Variants in TMEM87A observed in about 807,000 individuals in gnomAD.
TMEM87A encodes transmembrane protein 87A.
A neutral mutation model predicts 90.0 loss-of-function variants in TMEM87A; 50 were observed. The observed-to-expected ratio is 0.56, with a 90% CI of 0.44 to 0.70. TMEM87A has a LOEUF of 0.70. Ranked by LOEUF, TMEM87A falls within the 30% of genes least tolerant of loss-of-function variation. TMEM87A has a pLI of 0.00. For synonymous variants in TMEM87A, 226 were observed against 226.7 expected (o/e 1.00, Z 0.03); for missense variants, 577 against 660.5 (o/e 0.87, Z 1.39).
chr15:42,273,151 C>T, intron 1 of TMEM87A, 104 bp downstream of exon 1: 1 of 1,434,604 alleles, frequency 7.0e-7, no homozygotes, highest in Non-Finnish European at 9.6e-7. Context: ...AGCAACCCCA[C>T]CCCTTTTGAA....
intron 3 of TMEM87A, 79 bp downstream of exon 3, chr15:42,267,868 C>G: frequency 8.4e-7 from 1 of 1,190,304 alleles, no homozygotes; most frequent in South Asian, 1.4e-5. Context: ...ACATGATACT[C>G]TTTCCTCTAT....
At chr15:42,238,301 C>A (rs1027509336) in intron 8 of TMEM87A, among the ~76,000 whole-genome samples, 4 of 151,924 alleles carry the variant, frequency 2.6e-5, no homozygotes, top group African/African-American at 9.7e-5. Context: ...GGCATGGTGG[C>A]TCATGCCTGT....
At position 42,253,256 on chromosome 15, in the gene TMEM87A, T is replaced by C. The variant is rs539358978; in HGVS notation, c.504+7702A>G. On this transcript the variant is annotated intron_variant, in intron 6 of 19. Transcript: ENST00000389834. ...TAGGGTCATCTAAGGTCTTTTCTGATCGTATGTCCAGTCTTGAGAATATAT... is the reference window on the plus strand; with the variant it reads ...TAGGGTCATCTAAGGTCTTTTCTGACCGTATGTCCAGTCTTGAGAATATAT... Among the ~76,000 whole-genome samples, 71 of 152,316 alleles carry C rather than the reference T, an allele frequency of 4.7e-4. 2 individuals carry two copies. The South Asian group carries it at 7.7e-3, about 16-fold the overall frequency.
rs113670424 is a variant in TMEM87A at position 42,255,094 on chromosome 15, C to T, written c.504+5864G>A. 8.1e-3 allele frequency among the ~76,000 whole-genome samples: 1,231 copies of T among 151,550 alleles called. 9 individuals carry two copies. Among genetic ancestry groups the T allele is most frequent in the Middle Eastern group, 0.037 (11 of 294 alleles). ...ATCCTCACTTCAGCCTCCCCTGTAG[C>T]GGTGACTATAGGCATGCACAACCAT... On this transcript the variant is annotated intron_variant, in intron 6 of 19. Transcript: ENST00000389834.
At chr15:42,257,382 A>T (rs990344125) in intron 6 of TMEM87A, among the ~76,000 whole-genome samples, 1 of 151,948 alleles carries the variant, frequency 6.6e-6, no homozygotes, top group African/African-American at 2.4e-5. Context: ...GGTGATCTGC[A>T]CACACAGGCT....
intron 6 of TMEM87A, among the ~76,000 whole-genome samples, chr15:42,255,509 C>T (rs1161673768): frequency 1.3e-5 from 2 of 152,076 alleles, no homozygotes; most frequent in East Asian, 3.9e-4. Context: ...AGTGATCCTC[C>T]CACCCTGGCT....
chr15:42,227,675 G>A, intron 14 of TMEM87A, 36 bp downstream of exon 14: 1 of 1,578,438 alleles, frequency 6.3e-7, no homozygotes, highest in East Asian at 2.2e-5. Flanking sequence ...TTGTTTATAA[G>A]ACAGTACATT....
intron 8 of TMEM87A, among the ~76,000 whole-genome samples, chr15:42,238,539 C>T (rs2050816151): frequency 6.6e-6 from 1 of 152,044 alleles, no homozygotes; most frequent in South Asian, 2.1e-4. Flanking sequence ...CATTCCACTC[C>T]AGTCTGGGTG....
intron 15 of TMEM87A, among the ~76,000 whole-genome samples, chr15:42,222,024 G>C (rs1010159526): frequency 2.0e-5 from 3 of 152,186 alleles, no homozygotes; most frequent in Non-Finnish European, 4.4e-5. Context: ...CAAAGTGCTG[G>C]AATGACAGGT....
At chr15:42,222,975 C>T (rs1020537296) in intron 15 of TMEM87A, among the ~76,000 whole-genome samples, 9 of 152,184 alleles carry the variant, frequency 5.9e-5, no homozygotes, top group African/African-American at 1.9e-4. Context: ...GGAAAAACTA[C>T]TCCATATTTC....
At position 42,250,362 on chromosome 15, in the gene TMEM87A, C is replaced by T. The variant is rs183420878; in HGVS notation, c.505-6195G>A. Reference sequence around the variant, plus strand: ...GGTTGATGCAGTTTCTTCCTAGCATCGATGGTCTTTACAATTTGGCATGTT... The same window carrying T: ...GGTTGATGCAGTTTCTTCCTAGCATTGATGGTCTTTACAATTTGGCATGTT... On this transcript the variant is annotated intron_variant, in intron 6 of 19. Transcript: ENST00000389834. 7.4e-4 allele frequency among the ~76,000 whole-genome samples: 113 copies of T among 152,264 alleles called. 1 individual carries two copies. The highest frequency in any genetic ancestry group is 2.5e-3 in the African/African-American group (105 of 41,558).
Position 42,242,941 on chromosome 15 carries a change from T to C in TMEM87A, c.622+1109A>G, listed in dbSNP as rs143680506. 5.4e-4 allele frequency among the ~76,000 whole-genome samples: 82 copies of C among 152,212 alleles called. No individual in the cohort carries two copies. In the East Asian group the frequency reaches 0.014, roughly 25 times the overall value. The stretch of plus-strand genomic sequence containing the variant: ...AGCGAAGTAACGGTGGCTGCCATCA[T>C]TGTTTCTATTCCATATTCTGCTTAA... On this transcript the variant is annotated intron_variant, in intron 7 of 19. Coordinates refer to ENST00000389834, the MANE Select transcript of TMEM87A (RefSeq NM_015497.5).
At chr15:42,272,013 T>G in intron 2 of TMEM87A, 50 bp downstream of exon 2, 1 of 1,425,964 alleles carries the variant, frequency 7.0e-7, no homozygotes, top group Non-Finnish European at 9.6e-7. Context: ...AAACATTACC[T>G]ATAAATTTTT....
chr15:42,268,438 C>T (rs557814270), intron 2 of TMEM87A, among the ~76,000 whole-genome samples: 55 of 152,284 alleles, frequency 3.6e-4, no homozygotes, highest in African/African-American at 1.3e-3. Context: ...GAGGCCAAGG[C>T]AGGGGGATCG....
At position 42,226,789 on chromosome 15, in the gene TMEM87A, C is replaced by T; in HGVS notation, c.1403+17G>A. The stretch of plus-strand genomic sequence containing the variant: ...GGTCATCTCATGTTAGCAGAGTAAA[C>T]AGAAGAGTCCAAGAACCTCTGGTTG... On this transcript the variant is annotated intron_variant, in intron 15 of 19. Transcript: ENST00000389834. The T allele has an allele frequency of 6.2e-7, 1 of 1,608,638 alleles. No individual in the cohort carries two copies. The highest frequency in any genetic ancestry group is 1.3e-5 in the African/African-American group (1 of 74,894).
intron 2 of TMEM87A, 106 bp downstream of exon 2, chr15:42,271,957 T>A (rs996157112): frequency 5.5e-6 from 5 of 906,700 alleles, no homozygotes; most frequent in Non-Finnish European, 8.3e-6. Flanking sequence ...TATACCTAGA[T>A]AATGCCAGAC....
chr15:42,230,860 C>G (rs1003239023), intron 12 of TMEM87A, among the ~76,000 whole-genome samples: 2 of 152,188 alleles, frequency 1.3e-5, no homozygotes, highest in African/African-American at 4.8e-5. Context: ...AGGACCAGCA[C>G]AGCCAGTGAC....
intron 6 of TMEM87A, chr15:42,259,118 A>ATAG: frequency 1.6e-6 from 1 of 641,228 alleles, no homozygotes; most frequent in Admixed American, 2.8e-5. Context: ...AGCAGCCACT[A>ATAG]GGCAAAGGGG....
chr15:42,240,000 A>G (rs2050841262), intron 7 of TMEM87A, among the ~76,000 whole-genome samples: 1 of 152,178 alleles, frequency 6.6e-6, no homozygotes, highest in South Asian at 2.1e-4. Flanking sequence ...CTCACATCTT[A>G]AAAAAGACTA....
Sources: gnomAD v4.1 joint callset for allele counts (sites outside exome capture counted in the v4.1 genomes callset) on GRCh38, gnomAD v4.1.1 for gene constraint, MANE v1.5 for transcripts, NCBI Gene and HGNC (gene_info 2026-07-23, HGNC 2026-07-21) for gene names.